The following GPC6 variants were observed in gnomAD, a reference collection of about 807,000 sequenced individuals.
GPC6 encodes glypican-6.
In GPC6, 14 loss-of-function variants were observed where a neutral mutation model predicts 55.2. The ratio of observed to expected loss-of-function variants is 0.25; its 90% CI spans 0.17 to 0.40. The LOEUF (loss-of-function observed/expected upper bound fraction) is 0.40. Among genes scored for constraint, GPC6 ranks in the 10% least tolerant of loss-of-function variants. GPC6 has a pLI of 1.00. For synonymous variants in GPC6, 278 were observed against 259.6 expected (o/e 1.07, Z -0.68); for missense variants, 641 against 708.5 (o/e 0.90, Z 1.08).
chr13:93,744,022 G>A (rs915955735), intron 2 of GPC6, among the ~76,000 whole-genome samples: 3 of 152,020 alleles, frequency 2.0e-5, no homozygotes, highest in Admixed American at 6.6e-5. Context: ...GTTTTCTGGC[G>A]AATACAGCAA....
At chr13:93,971,729 T>A (rs1432045848) in intron 3 of GPC6, among the ~76,000 whole-genome samples, 1 of 152,168 alleles carries the variant, frequency 6.6e-6, no homozygotes, top group Non-Finnish European at 1.5e-5. Context: ...TGGCTTTTCC[T>A]CAGCAAGCTT....
intron 3 of GPC6, among the ~76,000 whole-genome samples, chr13:93,960,815 C>CTTTT (rs58063943): frequency 2.5e-5 from 3 of 122,256 alleles, no homozygotes; most frequent in African/African-American, 3.1e-5. Flanking sequence ...TTTTTTTTTT[C>CTTTT]TTTTTTTTTT....
At chr13:93,537,595 A>C (rs1882111877) in intron 1 of GPC6, among the ~76,000 whole-genome samples, 2 of 152,048 alleles carry the variant, frequency 1.3e-5, no homozygotes, top group Admixed American at 1.3e-4. Flanking sequence ...AATAGTAAAG[A>C]AAAACTTTTG....
At chr13:94,399,481 T>C (rs1442206121) in intron 8 of GPC6, among the ~76,000 whole-genome samples, 2 of 152,208 alleles carry the variant, frequency 1.3e-5, no homozygotes, top group East Asian at 3.8e-4. Flanking sequence ...TTTAAAAATA[T>C]TACCCTTACA....
chr13:93,780,231 T>C (rs552608690), intron 2 of GPC6, among the ~76,000 whole-genome samples: 44 of 152,192 alleles, frequency 2.9e-4, no homozygotes, highest in African/African-American at 1.0e-3. Context: ...TAATTAAATA[T>C]GTGTATTAGA....
At chr13:93,714,830 G>T (rs1462918237) in intron 2 of GPC6, among the ~76,000 whole-genome samples, 1 of 151,250 alleles carries the variant, frequency 6.6e-6, no homozygotes, top group African/African-American at 2.4e-5. Flanking sequence ...ATTAGAGGGA[G>T]GGTTATTCAT....
Position 93,562,957 on chromosome 13 carries a change from C to T in GPC6, c.319+17536C>T, listed in dbSNP as rs192412202. On this transcript the variant is annotated intron_variant, in intron 2 of 8. Transcript: ENST00000377047. ...AATCCAGTCTATACCTGTTACCAAA[C>T]CCTACTTTCTCCATAAGGAAAACAA... Among the ~76,000 whole-genome samples the T allele has an allele frequency of 8.5e-5, 13 of 152,230 alleles. No individual in the cohort carries two copies. In the East Asian group the frequency reaches 2.3e-3, roughly 27 times the overall value.
chr13:93,764,946 C>T (rs1213315459), intron 2 of GPC6, among the ~76,000 whole-genome samples: 6 of 151,968 alleles, frequency 3.9e-5, no homozygotes, highest in African/African-American at 9.7e-5. Flanking sequence ...ACTACAGGCG[C>T]GTGCCACCAC....
At chr13:94,078,754 A>G (rs1252945958) in intron 4 of GPC6, among the ~76,000 whole-genome samples, 1 of 151,984 alleles carries the variant, frequency 6.6e-6, no homozygotes, top group Non-Finnish European at 1.5e-5. Flanking sequence ...CAGTAATAAA[A>G]AACCTCTCAA....
chr13:93,472,570 G>T (rs1879158411), intron 1 of GPC6, among the ~76,000 whole-genome samples: 1 of 152,214 alleles, frequency 6.6e-6, no homozygotes. Flanking sequence ...ATGTGGGGGT[G>T]CCCGGAAGCT....
chr13:94,265,585 T>C (rs1891777664), intron 4 of GPC6, among the ~76,000 whole-genome samples: 1 of 152,106 alleles, frequency 6.6e-6, no homozygotes. Flanking sequence ...TATGCATCCT[T>C]CAACCCAATC....
At chr13:93,826,317 A>G (rs938238513) in intron 2 of GPC6, among the ~76,000 whole-genome samples, 8 of 152,152 alleles carry the variant, frequency 5.3e-5, no homozygotes, top group African/African-American at 1.9e-4. Flanking sequence ...ACAAACATAC[A>G]CAATTGCATA....
At chr13:93,924,879 G>A (rs550991324) in intron 3 of GPC6, among the ~76,000 whole-genome samples, 6 of 152,000 alleles carry the variant, frequency 3.9e-5, no homozygotes, top group Non-Finnish European at 8.8e-5. Flanking sequence ...TCATATACAT[G>A]ATATTTTGAA....
intron 1 of GPC6, among the ~76,000 whole-genome samples, chr13:93,497,956 G>A (rs921222793): frequency 6.6e-6 from 1 of 152,174 alleles, no homozygotes; most frequent in Admixed American, 6.5e-5. Flanking sequence ...AGATGTGTTG[G>A]GGTAGACTGT....
intron 1 of GPC6, among the ~76,000 whole-genome samples, chr13:93,535,291 A>G (rs992924193): frequency 2.0e-5 from 3 of 152,212 alleles, no homozygotes; most frequent in African/African-American, 7.2e-5. Context: ...TTTCATTGTT[A>G]TATCAAATAC....
chr13:93,747,196 A>G (rs1213573674), intron 2 of GPC6, among the ~76,000 whole-genome samples: 2 of 152,206 alleles, frequency 1.3e-5, no homozygotes, highest in African/African-American at 2.4e-5. Context: ...TACCTGAGGC[A>G]TTAATAAAGT....
At chr13:93,442,281 G>A (rs1007306619) in intron 1 of GPC6, among the ~76,000 whole-genome samples, 3 of 152,094 alleles carry the variant, frequency 2.0e-5, no homozygotes, top group East Asian at 3.9e-4. Flanking sequence ...GAATTGGAGC[G>A]AGAAAGACTC....
chr13:93,256,189 AG>A (rs760253773), intron 1 of GPC6, among the ~76,000 whole-genome samples: 6 of 150,650 alleles, frequency 4.0e-5, no homozygotes, highest in Middle Eastern at 6.8e-3. Flanking sequence ...AAAAAAAAAA[AG>A]ATCTAATACA....
At chr13:93,931,033 A>G (rs1297624522) in intron 3 of GPC6, among the ~76,000 whole-genome samples, 6 of 152,194 alleles carry the variant, frequency 3.9e-5, no homozygotes, top group Admixed American at 3.3e-4. Context: ...CTCACTCACT[A>G]TCACTAGGGC....
Sources: allele counts gnomAD v4.1 joint callset (sites outside exome capture counted in the v4.1 genomes callset), GRCh38; gene constraint gnomAD v4.1.1; transcripts MANE v1.5; gene names NCBI Gene and HGNC (gene_info 2026-07-23, HGNC 2026-07-21).